Variants in AGAP1 observed in about 807,000 individuals in gnomAD.
The protein encoded by AGAP1 is arf-GAP with GTPase, ANK repeat and PH domain-containing protein 1.
A neutral mutation model predicts 105.3 loss-of-function variants in AGAP1; 29 were observed. The observed-to-expected ratio is 0.28, with a 90% CI of 0.21 to 0.38. The LOEUF (loss-of-function observed/expected upper bound fraction) is 0.38, where lower values mean the gene tolerates loss of function less well. Among genes scored for constraint, AGAP1 ranks in the 10% least tolerant of loss-of-function variants. AGAP1 has a pLI of 1.00. For synonymous variants in AGAP1, 509 were observed against 485.9 expected (o/e 1.05, Z -0.63); for missense variants, 998 against 1,165.1 (o/e 0.86, Z 2.09).
chr2:235,532,982 C>T (rs1489165488), intron 1 of AGAP1, among the ~76,000 whole-genome samples: 1 of 151,892 alleles, frequency 6.6e-6, no homozygotes, highest in Non-Finnish European at 1.5e-5. Context: ...ACTAGTCATG[C>T]TTTTGTTTGA....
chr2:235,804,797 G>A (rs1317299154), intron 8 of AGAP1, among the ~76,000 whole-genome samples: 2 of 152,366 alleles, frequency 1.3e-5, no homozygotes, highest in East Asian at 1.9e-4. Flanking sequence ...CCTTCTGGGT[G>A]TGATCTGCTG....
chr2:235,862,212 A>G (rs1287572345), intron 9 of AGAP1, among the ~76,000 whole-genome samples: 1 of 152,160 alleles, frequency 6.6e-6, no homozygotes, highest in Non-Finnish European at 1.5e-5. Context: ...GATTCGATGC[A>G]CTTTGTTTTC....
chr2:235,998,642 T>A (rs2055918134), intron 13 of AGAP1, among the ~76,000 whole-genome samples: 1 of 152,088 alleles, frequency 6.6e-6, no homozygotes, highest in Non-Finnish European at 1.5e-5. Context: ...ATGGTGACGG[T>A]GATGATGGTG....
At position 235,830,855 on chromosome 2, in the gene AGAP1, A is replaced by C. The variant is rs1427015023; in HGVS notation, c.1050+23524A>C. ...CACCTGTCGGTAGGCCCAGTAGTCAACTCCTAACTAATAGAGTAGTTATTA... is the reference window on the plus strand; with the variant it reads ...CACCTGTCGGTAGGCCCAGTAGTCACCTCCTAACTAATAGAGTAGTTATTA... On this transcript the variant is annotated intron_variant, in intron 9 of 17. Transcript: ENST00000304032. This position sits in a 1 kb window ranked among gnomAD's most constrained non-coding sequence, Gnocchi z 5.5. Among the ~76,000 whole-genome samples, 2 of 152,202 alleles carry C rather than the reference A, an allele frequency of 1.3e-5. No homozygotes were observed. Among genetic ancestry groups the C allele is most frequent in the African/African-American group, 4.8e-5 (2 of 41,530 alleles).
chr2:235,822,053 TGGTCACTTGGACAA>T (rs1958818297), intron 9 of AGAP1, among the ~76,000 whole-genome samples: 1 of 152,224 alleles, frequency 6.6e-6, no homozygotes, highest in Non-Finnish European at 1.5e-5. Context: ...ACACTGACCT[TGGTCACTTGGACAA>T]GGCGAGACCT....
rs6746318 is a variant in AGAP1, at chr2:235,957,134, G to A, written c.1484-11328G>A. ...CAGAACATTTTCATCGTCTCAAAAA[G>A]GAAACTCTGTTCTTGAATTGGTGGT... On this transcript the variant is annotated intron_variant, in intron 12 of 17. Coordinates refer to ENST00000304032, the MANE Select transcript of AGAP1 (RefSeq NM_001037131.3). The surrounding 1 kb of genome is among the most constrained non-coding windows in gnomAD (Gnocchi z 4.6). Among the ~76,000 whole-genome samples, 17,946 of 152,108 alleles carry A rather than the reference G, an allele frequency of 0.12. 2,585 individuals are homozygous for A. Among genetic ancestry groups the A allele is most frequent in the African/African-American group, 0.34 (14,234 of 41,450 alleles).
chr2:235,800,392 T>G (rs1352885282), intron 8 of AGAP1, among the ~76,000 whole-genome samples: 1 of 152,068 alleles, frequency 6.6e-6, no homozygotes, highest in Non-Finnish European at 1.5e-5. Context: ...TGAGCCATAG[T>G]GCACAGCCAG....
At position 236,014,147 on chromosome 2, in the gene AGAP1, G is replaced by GGCAT. The variant is rs1199869093; in HGVS notation, c.1646-22413_1646-22410dup. Among the ~76,000 whole-genome samples, 1 of 152,140 alleles carries GGCAT rather than the reference G, an allele frequency of 6.6e-6. No individual in the cohort carries two copies. Among genetic ancestry groups the GGCAT allele is most frequent in the Admixed American group, 6.5e-5 (1 of 15,276 alleles). On this transcript the variant is annotated intron_variant, in intron 13 of 17. Coordinates refer to ENST00000304032, the MANE Select transcript of AGAP1 (RefSeq NM_001037131.3). The surrounding 1 kb of genome is among the most constrained non-coding windows in gnomAD (Gnocchi z 6.3). ...GTCCTTTCTCCTGAGAACCTGAGGT[G>GGCAT]GCATTTGCTCTTCTGGTTCCTAGGA...
In AGAP1 at chr2:235,608,400, G is replaced by C. The variant is rs1946018925; in HGVS notation, c.164-100779G>C. Among the ~76,000 whole-genome samples, 1 of 152,202 alleles carries C rather than the reference G, an allele frequency of 6.6e-6. No individual in the cohort carries two copies. Among genetic ancestry groups the C allele is most frequent in the African/African-American group, 2.4e-5 (1 of 41,442 alleles). ...GCTGAGAGGGCTTGGCTGGGATTCT[G>C]TGGGATGGGGCCTTCAGGAGGTGGA... On this transcript the variant is annotated intron_variant, in intron 1 of 17. Transcript: ENST00000304032. This position sits in a 1 kb window ranked among gnomAD's most constrained non-coding sequence, Gnocchi z 5.4.
In AGAP1 at chr2:235,864,246, T is replaced by C. The variant is rs1324986544; in HGVS notation, c.1051-19099T>C. Among the ~76,000 whole-genome samples, 1 of 152,232 alleles carries C rather than the reference T, an allele frequency of 6.6e-6. No individual in the cohort carries two copies. Among genetic ancestry groups the C allele is most frequent in the Non-Finnish European group, 1.5e-5 (1 of 68,046 alleles). On this transcript the variant is annotated intron_variant, in intron 9 of 17. Transcript: ENST00000304032. The surrounding 1 kb of genome is among the most constrained non-coding windows in gnomAD (Gnocchi z 5.0). ...CCTCCCTGCCATATCCATGTGCCAC[T>C]GTGTAGTCCCGTGAACTCTGCATTT...
chr2:235,510,076 G>A (rs545515325), intron 1 of AGAP1, among the ~76,000 whole-genome samples: 33 of 152,310 alleles, frequency 2.2e-4, no homozygotes, highest in African/African-American at 7.9e-4. Context: ...GGACCCTCTA[G>A]TTGCAGGAAA....
chr2:235,784,335 A>G (rs980684333), intron 6 of AGAP1, among the ~76,000 whole-genome samples: 4 of 152,180 alleles, frequency 2.6e-5, no homozygotes, highest in Non-Finnish European at 5.9e-5. Flanking sequence ...TCACTAATGC[A>G]TAGAAACTGC....
rs2057882771 is a variant in AGAP1, at chr2:236,051,134, C to T, written c.2114+1853C>T. On this transcript the variant is annotated intron_variant, in intron 16 of 17. Coordinates refer to ENST00000304032, the MANE Select transcript of AGAP1 (RefSeq NM_001037131.3). This position sits in a 1 kb window ranked among gnomAD's most constrained non-coding sequence, Gnocchi z 5.9. ...AGCAGGCCGAGTTGTAATTCCTCTCCAAGACTGTGGTGTTGGTGATGTGGT... is the reference window on the plus strand; with the variant it reads ...AGCAGGCCGAGTTGTAATTCCTCTCTAAGACTGTGGTGTTGGTGATGTGGT... 6.6e-6 allele frequency among the ~76,000 whole-genome samples: 1 copy of T among 152,186 alleles called. No individual in the cohort carries two copies. The highest frequency in any genetic ancestry group is 6.5e-5 in the Admixed American group (1 of 15,272).
Position 235,889,406 on chromosome 2 carries a change from A to G in AGAP1, c.1155+5957A>G, listed in dbSNP as rs2050421262. Among the ~76,000 whole-genome samples the G allele has an allele frequency of 6.6e-6, 1 of 152,152 alleles. No individual in the cohort carries two copies. The highest frequency in any genetic ancestry group is 2.4e-5 in the African/African-American group (1 of 41,436). ...CCCAGGGACTGCGTGTCTCCCTCAG[A>G]ACTGGGGCAGCTTTCTACTTGCAGA... On this transcript the variant is annotated intron_variant, in intron 10 of 17. Coordinates refer to ENST00000304032, the MANE Select transcript of AGAP1 (RefSeq NM_001037131.3). The surrounding 1 kb of genome is among the most constrained non-coding windows in gnomAD (Gnocchi z 4.6).
intron 1 of AGAP1, among the ~76,000 whole-genome samples, chr2:235,607,308 A>C (rs1002170985): frequency 5.3e-5 from 8 of 152,252 alleles, no homozygotes; most frequent in African/African-American, 1.9e-4. Context: ...TTGGGTTCTA[A>C]TATTCCATTG....
intron 9 of AGAP1, among the ~76,000 whole-genome samples, chr2:235,827,759 C>T (rs777647035): frequency 2.0e-5 from 3 of 152,276 alleles, no homozygotes; most frequent in South Asian, 2.1e-4. Context: ...ATAGCTTGCC[C>T]GTACTAAAAG....
intron 13 of AGAP1, among the ~76,000 whole-genome samples, chr2:236,023,685 A>C (rs947397018): frequency 4.6e-5 from 7 of 151,254 alleles, no homozygotes; most frequent in African/African-American, 1.5e-4. Context: ...TAGATCCTGC[A>C]CTCTTTGTAC....
chr2:235,510,997 C>T (rs868015969), intron 1 of AGAP1, among the ~76,000 whole-genome samples: 3 of 102,354 alleles, frequency 2.9e-5, no homozygotes, highest in Non-Finnish European at 2.1e-5. Flanking sequence ...GGTGGGGGGG[C>T]GGGGGGCGGC....
In AGAP1 at chr2:235,851,645, G is replaced by A. The variant is rs572135991; in HGVS notation, c.1051-31700G>A. Among the ~76,000 whole-genome samples, 9 of 152,232 alleles carry A rather than the reference G, an allele frequency of 5.9e-5. No homozygotes were observed. The East Asian group carries it at 1.5e-3, about 26-fold the overall frequency. On this transcript the variant is annotated intron_variant, in intron 9 of 17. Transcript: ENST00000304032. ...CTCTAGGCTTATCTCCGTGTGTGTG[G>A]CCCTGAACCCAGAACACCCGGAAAT...
Sources: allele counts gnomAD v4.1 joint callset (sites outside exome capture counted in the v4.1 genomes callset), GRCh38; gene constraint gnomAD v4.1.1; non-coding constraint Gnocchi (gnomAD v3.1); transcripts MANE v1.5; gene names NCBI Gene and HGNC (gene_info 2026-07-23, HGNC 2026-07-21).